The following DSP variants were observed in gnomAD, a reference collection of about 807,000 sequenced individuals.
DSP encodes 250/210 kDa paraneoplastic pemphigus antigen.
Under a neutral mutation model 290.6 loss-of-function variants are expected in DSP, and 114 were observed. The ratio of observed to expected loss-of-function variants is 0.39; its 90% CI spans 0.34 to 0.46. The LOEUF is 0.46. Ranked by LOEUF, DSP falls within the 20% of genes least tolerant of loss-of-function variation. The pLI, the probability that DSP is intolerant of heterozygous loss-of-function variation, is 0.99. For missense variants in DSP, 3,230 were observed against 3,495.8 expected (o/e 0.92, Z 1.92); for synonymous variants, 1,311 against 1,316.4 (o/e 1.00, Z 0.09).
intron 1 of DSP, among the ~76,000 whole-genome samples, chr6:7,550,156 C>G (rs1454349420): frequency 2.0e-5 from 3 of 152,066 alleles, no homozygotes; most frequent in African/African-American, 7.2e-5. Flanking sequence ...ATCTCAGCCT[C>G]CCATCTCAGC....
At chr6:7,543,393 CTTTT>C (rs397886749) in intron 1 of DSP, among the ~76,000 whole-genome samples, 49 of 80,014 alleles carry the variant, frequency 6.1e-4, no homozygotes, top group African/African-American at 5.8e-4. Context: ...TCTATTTTCG[CTTTT>C]TTTTTTTTTT....
intron 4 of DSP, among the ~76,000 whole-genome samples, chr6:7,562,325 A>G (rs1327289358): frequency 1.3e-5 from 2 of 151,836 alleles, no homozygotes; most frequent in Non-Finnish European, 2.9e-5. Context: ...ATATATGCAC[A>G]CATATGTTCT....
In DSP at chr6:7,541,807, C is replaced by A. The variant is rs1045295149; in HGVS notation, c.-109C>A. The A allele has an allele frequency of 5.7e-6, 8 of 1,408,926 alleles. No homozygotes were observed. Among genetic ancestry groups the A allele is most frequent in the Non-Finnish European group, 3.8e-6 (4 of 1,057,754 alleles). The allele number at this position is 1,408,926 out of a possible 1,614,324, so 87.3% of individuals were successfully genotyped here. ...CGACCTCGCGAGCCTTCCGCACTCC[C>A]GCCCGGTTCCCCGGCCGTCCGCCTA... On this transcript the variant is annotated 5_prime_UTR_variant, in exon 1 of 24. Coordinates refer to ENST00000379802, the MANE Select transcript of DSP (RefSeq NM_004415.4).
At chr6:7,542,195 GC>G (rs1249684245) in intron 1 of DSP, 110 bp downstream of exon 1, 5 of 1,439,104 alleles carry the variant, frequency 3.5e-6, no homozygotes, top group Non-Finnish European at 4.7e-6. Context: ...AGGTTTTTTT[GC>G]CCCAGGTCCC....
chr6:7,585,555 C>G lies in DSP; in HGVS notation c.8293C>G (p.Gln2765Glu), dbSNP rs1242493627. 2.5e-6 allele frequency: 4 copies of G among 1,614,030 alleles called. No individual in the cohort carries two copies. The highest frequency in any genetic ancestry group is 2.2e-5 in the East Asian group (1 of 44,894). The change falls in exon 24 of 24, where the codon CAA becomes GAA. Residue 2765 changes from glutamine (Q) to glutamate (E), a missense_variant. Gln to Glu is a conservative substitution (Grantham distance 29, BLOSUM62 2). Around this residue, in one of 5 missense-constraint regions of DSP, gnomAD observed 582 missense variants for 555.4 expected, o/e 1.05. Transcript: ENST00000379802. ...AGATGGCCGCGCCGCACAGAGGCTG[C>G]AAGACACCAGCAGCTATGCCAAAAT... ...FIDGRAAQRL[Q>E]DTSSYAKILT...
chr6:7,575,764 ACT>A (rs1759222613), intron 18 of DSP, among the ~76,000 whole-genome samples: 2 of 151,756 alleles, frequency 1.3e-5, no homozygotes, highest in South Asian at 4.2e-4. Flanking sequence ...TGTCCTATAA[ACT>A]CTTGTTATGA....
Position 7,554,082 on chromosome 6 carries a change from AACACACACAC to A in DSP, c.171-1601_171-1592del, listed in dbSNP as rs10658102. Among the ~76,000 whole-genome samples the A allele has an allele frequency of 5.0e-3, 585 of 115,944 alleles. 2 individuals are homozygous for A. Among genetic ancestry groups the A allele is most frequent in the Non-Finnish European group, 6.8e-3 (404 of 59,488 alleles). 76.1% of individuals were successfully genotyped at this position (115,944 alleles called of 152,430 possible). The stretch of plus-strand genomic sequence containing the variant: ...TTAAACAGTGAAATTCTTTCTTTAA[AACACACACAC>A]ACACACACACACACACACACACACA... On this transcript the variant is annotated intron_variant, in intron 1 of 23. Transcript: ENST00000379802.
At chr6:7,572,173 C>CT in intron 15 of DSP, 105 bp downstream of exon 15, 2 of 1,049,234 alleles carry the variant, frequency 1.9e-6, no homozygotes, top group Non-Finnish European at 2.8e-6. Flanking sequence ...AAAATATTAA[C>CT]TTTCAAGAAA....
At position 7,583,324 on chromosome 6, in the gene DSP, C is replaced by T. The variant is rs760673242; in HGVS notation, c.6062C>T (p.Ala2021Val). ...CGGGGTGCAGGATCTATCGCTGGAG[C>T]ATCTGCTTCTCCTAAGGAAAAATAC... Reference protein sequence around the residue: ...FLRGAGSIAGASASPKEKYSL... With the variant: ...FLRGAGSIAGVSASPKEKYSL... Residue 2021 changes from alanine to valine, a missense_variant, in exon 24 of 24, where the codon GCA (alanine) becomes GTA (valine). By Grantham distance (64) the Ala-to-Val change is moderately conservative. Transcript: ENST00000379802. The surrounding 1 kb of genome is among the most constrained non-coding windows in gnomAD (Gnocchi z 4.0). The T allele has an allele frequency of 2.5e-6, 4 of 1,614,056 alleles. No individual in the cohort carries two copies. Among genetic ancestry groups the T allele is most frequent in the African/African-American group, 1.3e-5 (1 of 74,916 alleles).
At position 7,572,042 on chromosome 6, in the gene DSP, A is replaced by G; in HGVS notation, c.2104A>G (p.Ile702Val). ...PLADQGSSHH[I>V]TVKINELKSV... is the part of the protein sequence containing the mutation. ...AGCAGACCAGGGATCTTCTCACCAC[A>G]TCACAGTGAAAATTAACGAGCTTAA... Residue 702 changes from isoleucine (I) to valine (V), a missense_variant, in exon 15 of 24, where the codon ATC (isoleucine) becomes GTC (valine). Physicochemically the swap from Ile to Val is conservative, Grantham distance 29 (BLOSUM62 3). Around this residue, in one of 5 missense-constraint regions of DSP, gnomAD observed 1,714 missense variants for 1,844.5 expected, o/e 0.93. Coordinates refer to ENST00000379802, the MANE Select transcript of DSP (RefSeq NM_004415.4). The G allele has an allele frequency of 6.2e-7, 1 of 1,614,172 alleles. No individual in the cohort carries two copies. The highest frequency in any genetic ancestry group is 1.1e-5 in the South Asian group (1 of 91,078).
chr6:7,580,111 C>T lies in DSP; in HGVS notation c.3921C>T (p.Ala1307=). 1 of 1,613,922 alleles carries T rather than the reference C, an allele frequency of 6.2e-7. No homozygotes were observed. Among genetic ancestry groups the T allele is most frequent in the Non-Finnish European group, 8.5e-7 (1 of 1,179,938 alleles). Residue 1307 remains alanine, a synonymous_variant, in exon 23 of 24, where the codon GCC becomes GCT. Coordinates refer to ENST00000379802, the MANE Select transcript of DSP (RefSeq NM_004415.4). The surrounding 1 kb of genome is among the most constrained non-coding windows in gnomAD (Gnocchi z 4.2). ...QVMQQRSEDN[A]RHKQSLEEAA... is the part of the protein sequence containing the mutation. The stretch of plus-strand genomic sequence containing the variant: ...TGCAGCAGCGCTCTGAGGACAATGC[C>T]CGGCACAAGCAGTCCCTGGAGGAGG...
Position 7,585,829 on chromosome 6 carries a change from C to T in DSP, c.8567C>T (p.Ser2856Phe), listed in dbSNP as rs1332741576. 1.2e-6 allele frequency: 2 copies of T among 1,613,422 alleles called. No individual in the cohort carries two copies. Among genetic ancestry groups the T allele is most frequent in the Admixed American group, 1.7e-5 (1 of 59,826 alleles). The change falls in exon 24 of 24, where the codon TCT (serine) becomes TTT (phenylalanine). Residue 2856 changes from serine (S) to phenylalanine (F), a missense_variant. Ser to Phe is a radical substitution (Grantham distance 155, BLOSUM62 -2). This residue lies in a region of DSP where 582 missense variants were observed against 555.4 expected (regional missense o/e 1.05). Coordinates refer to ENST00000379802, the MANE Select transcript of DSP (RefSeq NM_004415.4). ...RRGSFDATGN[S>F]SYSYSYSFSS... ...GGAAGCTTTGACGCCACAGGGAATT[C>T]TTCCTACTCTTATTCCTACTCATTT...
In DSP at chr6:7,577,836, C is replaced by A; in HGVS notation, c.2935C>A (p.Pro979Thr). 1 of 1,614,150 alleles carries A rather than the reference C, an allele frequency of 6.2e-7. No individual in the cohort carries two copies. Among genetic ancestry groups the A allele is most frequent in the Non-Finnish European group, 8.5e-7 (1 of 1,180,030 alleles). Residue 979 changes from proline (P) to threonine (T), a missense_variant, in exon 21 of 24, where the codon CCT (proline) becomes ACT (threonine). This residue lies in a region of DSP where 1,714 missense variants were observed against 1,844.5 expected (regional missense o/e 0.93). Coordinates refer to ENST00000379802, the MANE Select transcript of DSP (RefSeq NM_004415.4). ...TSGLETLLNIPIKRTMIQSPS... is the reference protein window; with the variant it reads ...TSGLETLLNITIKRTMIQSPS... ...AGGACTGGAAACTCTGCTGAACATA[C>A]CTATCAAGAGGACCATGATTCAGTC...
intron 1 of DSP, among the ~76,000 whole-genome samples, chr6:7,545,579 TTAAG>T (rs1337589928): frequency 6.6e-6 from 1 of 152,208 alleles, no homozygotes; most frequent in Non-Finnish European, 1.5e-5. Context: ...GCATTCTGTG[TTAAG>T]TGTCAGGGGA....
Position 7,542,046 on chromosome 6 carries a change from G to A in DSP, c.131G>A (p.Arg44Gln). Residue 44 changes from arginine (R) to glutamine (Q), a missense_variant, in exon 1 of 24, where the codon CGG becomes CAG. Coordinates refer to ENST00000379802, the MANE Select transcript of DSP (RefSeq NM_004415.4). ...GGGTSRMYYS[R>Q]RGVITDQNSD... ...GGCACCAGCAGGATGTACTATTCTC[G>A]GCGCGGCGTGATCACCGACCAGAAC... The A allele has an allele frequency of 6.4e-7, 1 of 1,573,106 alleles. No individual in the cohort carries two copies.
intron 16 of DSP, 75 bp from the exon 17 acceptor site, chr6:7,574,582 C>G (rs148272824): frequency 1.9e-6 from 3 of 1,595,774 alleles, no homozygotes; most frequent in African/African-American, 1.3e-5. Context: ...CCTTTCATTA[C>G]TAGCTGTGAG....
intron 1 of DSP, among the ~76,000 whole-genome samples, chr6:7,542,656 G>A (rs1039764284): frequency 2.0e-5 from 3 of 152,124 alleles, no homozygotes; most frequent in African/African-American, 7.2e-5. Flanking sequence ...TCCCGGCGGC[G>A]CGGGGTCCTG....
chr6:7,548,532 C>A (rs918965366), intron 1 of DSP, among the ~76,000 whole-genome samples: 1 of 152,202 alleles, frequency 6.6e-6, no homozygotes, highest in Non-Finnish European at 1.5e-5. Flanking sequence ...ACTTCAAAGT[C>A]CTTCTGAAGT....
intron 11 of DSP, among the ~76,000 whole-genome samples, 196 bp from the exon 12 acceptor site, chr6:7,568,990 G>A (rs1219895359): frequency 6.6e-6 from 1 of 152,114 alleles, no homozygotes; most frequent in Non-Finnish European, 1.5e-5. Flanking sequence ...CTCACTTCAT[G>A]TATACCTTTT....
Sources: gnomAD v4.1 joint callset for allele counts (sites outside exome capture counted in the v4.1 genomes callset) on GRCh38, gnomAD v4.1.1 for gene constraint, gnomAD v4.1.1 regional missense constraint, Gnocchi (gnomAD v3.1) non-coding constraint, MANE v1.5 for transcripts, NCBI Gene and HGNC (gene_info 2026-07-23, HGNC 2026-07-21) for gene names.